EPHA6: variants seen among roughly 807,000 people sequenced by gnomAD.
EPHA6 encodes the protein EPH receptor A6.
In EPHA6, 50 loss-of-function variants were observed where a neutral mutation model predicts 112.0. The ratio of observed to expected loss-of-function variants is 0.45; its 90% CI spans 0.36 to 0.56. The LOEUF (loss-of-function observed/expected upper bound fraction) is 0.56. Among genes scored for constraint, EPHA6 ranks in the 20% least tolerant of loss-of-function variants. EPHA6 has a pLI of 0.00. For missense variants in EPHA6, 1,280 were observed against 1,417.4 expected, an observed-to-expected ratio of 0.90 and a Z score of 1.56; for synonymous variants, 529 against 490.7, an observed-to-expected ratio of 1.08 and a Z score of -1.03.
chr3:97,311,808 A>G (rs1471685059), intron 5 of EPHA6, among the ~76,000 whole-genome samples: 1 of 146,844 alleles, frequency 6.8e-6, no homozygotes, highest in East Asian at 2.0e-4. Context: ...TAAGATTTTC[A>G]AAACAAAACA....
At chr3:97,184,839 A>G (rs1484262146) in intron 3 of EPHA6, among the ~76,000 whole-genome samples, 1 of 152,206 alleles carries the variant, frequency 6.6e-6, no homozygotes, top group East Asian at 1.9e-4. Flanking sequence ...AGTAACCAAA[A>G]TAGTATGGTA....
Position 96,907,934 on chromosome 3 carries a change from G to A in EPHA6, c.450+41045G>A, listed in dbSNP as rs138978558. On this transcript the variant is annotated intron_variant, in intron 2 of 17. Transcript: ENST00000389672. ...CGGGATATGTTTTGAGAAATTTATC[G>A]TTAGCAATTTTGTTATTGTGCGAAG... Among the ~76,000 whole-genome samples, 495 of 151,926 alleles carry A rather than the reference G, an allele frequency of 3.3e-3. 6 individuals are homozygous for A. Among genetic ancestry groups the A allele is most frequent in the African/African-American group, 0.011 (473 of 41,480 alleles).
intron 2 of EPHA6, among the ~76,000 whole-genome samples, chr3:96,901,240 C>G (rs1432725492): frequency 6.6e-6 from 1 of 151,756 alleles, no homozygotes; most frequent in East Asian, 1.9e-4. Context: ...CCATGGGTAC[C>G]TTAAATTAAC....
At chr3:97,084,101 G>GATAT (rs141072928) in intron 3 of EPHA6, among the ~76,000 whole-genome samples, 26 of 103,600 alleles carry the variant, frequency 2.5e-4, no homozygotes, top group East Asian at 6.5e-4. Flanking sequence ...TGTGTGCATG[G>GATAT]ATATATATAT....
chr3:97,235,837 A>T (rs2078662480), intron 4 of EPHA6, among the ~76,000 whole-genome samples: 1 of 152,036 alleles, frequency 6.6e-6, no homozygotes, highest in Non-Finnish European at 1.5e-5. Flanking sequence ...CAGTTATTCC[A>T]GTTATACCAG....
rs547293946 is a variant in EPHA6, at chr3:97,549,816, T to TAATAA, written c.2386+17295_2386+17299dup. On this transcript the variant is annotated intron_variant, in intron 11 of 17. Coordinates refer to ENST00000389672, the MANE Select transcript of EPHA6 (RefSeq NM_001080448.3). Reference sequence around the variant, plus strand: ...ACAAGGCGAGACTCTGTCTCCAAAATAATAAAATAAAATAAAATAAAATAA... The same window carrying TAATAA: ...ACAAGGCGAGACTCTGTCTCCAAAATAATAAAATAAAATAAAATAAAATAAAATAA... Among the ~76,000 whole-genome samples the TAATAA allele has an allele frequency of 2.6e-3, 398 of 151,524 alleles. 2 individuals carry two copies. Among genetic ancestry groups the TAATAA allele is most frequent in the African/African-American group, 7.6e-3 (313 of 41,340 alleles).
intron 3 of EPHA6, among the ~76,000 whole-genome samples, chr3:96,995,515 A>C (rs1389011590): frequency 6.6e-6 from 1 of 152,108 alleles, no homozygotes; most frequent in African/African-American, 2.4e-5. Context: ...GAAGTCTAAA[A>C]ATAGAAGGTA....
intron 10 of EPHA6, among the ~76,000 whole-genome samples, chr3:97,502,167 CTTTTTT>C (rs773321621): frequency 1.6e-5 from 2 of 124,326 alleles, no homozygotes; most frequent in Non-Finnish European, 3.3e-5. Context: ...TAACTACCTG[CTTTTTT>C]TTTTTTTTTT....
At chr3:96,863,700 A>G (rs913316339) in intron 1 of EPHA6, among the ~76,000 whole-genome samples, 7 of 152,026 alleles carry the variant, frequency 4.6e-5, no homozygotes, top group African/African-American at 1.4e-4. Flanking sequence ...TACAACTATG[A>G]ATACTGAGAA....
At chr3:97,450,247 C>T (rs532724386) in intron 7 of EPHA6, among the ~76,000 whole-genome samples, 2 of 152,010 alleles carry the variant, frequency 1.3e-5, no homozygotes, top group South Asian at 2.1e-4. Flanking sequence ...TTCCCCTGCC[C>T]GCTTGTCAAA....
Position 97,475,341 on chromosome 3 carries a change from C to T in EPHA6, c.1895-11C>T, listed in dbSNP as rs1472227309. The T allele has an allele frequency of 6.3e-7, 1 of 1,597,078 alleles. No homozygotes were observed. Among genetic ancestry groups the T allele is most frequent in the African/African-American group, 1.3e-5 (1 of 74,242 alleles). On this transcript the variant is annotated splice_polypyrimidine_tract_variant and intron_variant, in intron 7 of 17. Transcript: ENST00000389672. ...ACCCAGGGAAATTTTAATATTGTAT[C>T]TCTGTTTCAGCTTCTGACATGGCAG...
intron 3 of EPHA6, among the ~76,000 whole-genome samples, chr3:97,187,421 T>C (rs1001960304): frequency 6.6e-6 from 1 of 151,430 alleles, no homozygotes; most frequent in African/African-American, 2.4e-5. Context: ...AATACAAAAA[T>C]TAGCTGGGCA....
At chr3:97,423,321 C>T (rs2088833533) in intron 6 of EPHA6, among the ~76,000 whole-genome samples, 1 of 152,112 alleles carries the variant, frequency 6.6e-6, no homozygotes, top group African/African-American at 2.4e-5. Flanking sequence ...TATACAAAAT[C>T]AATGTGAAAA....
chr3:97,407,536 A>G (rs2087433875), intron 6 of EPHA6, among the ~76,000 whole-genome samples: 2 of 151,918 alleles, frequency 1.3e-5, no homozygotes, highest in South Asian at 2.1e-4. Context: ...CAGAAAGAAA[A>G]CATATTGCTT....
intron 5 of EPHA6, among the ~76,000 whole-genome samples, chr3:97,307,725 G>T: frequency 6.7e-6 from 1 of 148,740 alleles, no homozygotes; most frequent in African/African-American, 2.5e-5. Context: ...TGAAAATATA[G>T]TCTGTGTGTT....
chr3:96,818,564 A>G (rs946079603), intron 1 of EPHA6, among the ~76,000 whole-genome samples: 1 of 152,018 alleles, frequency 6.6e-6, no homozygotes, highest in African/African-American at 2.4e-5. Flanking sequence ...TGAGTTGTAT[A>G]TAAATACAAA....
chr3:97,485,501 C>G (rs545938051), intron 10 of EPHA6, among the ~76,000 whole-genome samples: 9 of 152,134 alleles, frequency 5.9e-5, no homozygotes, highest in Non-Finnish European at 8.8e-5. Context: ...TGATTTCACT[C>G]CATTCCCTAG....
chr3:97,038,558 C>T (rs533259180), intron 3 of EPHA6, among the ~76,000 whole-genome samples: 1 of 152,160 alleles, frequency 6.6e-6, no homozygotes, highest in East Asian at 1.9e-4. Flanking sequence ...CATTCATTCA[C>T]TGATAGGCAA....
chr3:96,966,307 A>G (rs1020830199), intron 2 of EPHA6, among the ~76,000 whole-genome samples: 1 of 152,084 alleles, frequency 6.6e-6, no homozygotes, highest in Non-Finnish European at 1.5e-5. Flanking sequence ...TCATTTATTT[A>G]GGAAGTCTTG....
Sources: allele counts gnomAD v4.1 joint callset (sites outside exome capture counted in the v4.1 genomes callset), GRCh38; gene constraint gnomAD v4.1.1; transcripts MANE v1.5; gene names NCBI Gene and HGNC (gene_info 2026-07-23, HGNC 2026-07-21).